Variants in NT5DC3 observed in about 807,000 individuals in gnomAD.
NT5DC3 encodes the protein 5'-nucleotidase domain-containing protein 3.
In NT5DC3, 42 loss-of-function variants were observed where a neutral mutation model predicts 67.8. The ratio of observed to expected loss-of-function variants is 0.62; its 90% confidence interval spans 0.48 to 0.80. The LOEUF (loss-of-function observed/expected upper bound fraction) is 0.80. Among genes scored for constraint, NT5DC3 ranks in the 30% least tolerant of loss-of-function variants. NT5DC3 has a pLI of 0.00. For synonymous variants in NT5DC3, 237 were observed against 255.6 expected (o/e 0.93, Z 0.69); for missense variants, 570 against 696.4 (o/e 0.82, Z 2.04).
At chr12:103,793,305 A>C in intron 8 of NT5DC3, 40 bp from the exon 9 acceptor site, 2 of 1,564,432 alleles carry the variant, frequency 1.3e-6, no homozygotes, top group Non-Finnish European at 1.8e-6. Context: ...AACATTAAAG[A>C]GATTAACTGT....
At chr12:103,779,890 C>G (rs1342138626) in intron 13 of NT5DC3, among the ~76,000 whole-genome samples, 6 of 152,132 alleles carry the variant, frequency 3.9e-5, no homozygotes, top group Non-Finnish European at 8.8e-5. Flanking sequence ...CAAATAAGCA[C>G]CAGGGTCGTA....
chr12:103,834,826 T>C (rs1888077044), intron 1 of NT5DC3, among the ~76,000 whole-genome samples: 1 of 152,206 alleles, frequency 6.6e-6, no homozygotes, highest in Admixed American at 6.5e-5. Flanking sequence ...CCTGAACAGA[T>C]TGTTTGGATG....
At chr12:103,748,051 G>A in the NT5DC3 span, among the ~76,000 whole-genome samples, 2 of 151,344 alleles carry the variant, frequency 1.3e-5, no homozygotes, top group African/African-American at 4.9e-5. Context: ...TAGGTATTGA[G>A]GAAAAATCAG....
chr12:103,785,751 TA>T (rs201632707), intron 11 of NT5DC3: 12,010 of 359,744 alleles, frequency 0.033, 194 homozygotes, highest in African/African-American at 0.08. Flanking sequence ...CCATGGTCTG[TA>T]AAAAAAAAAA....
chr12:103,760,740 T>C, the NT5DC3 span, among the ~76,000 whole-genome samples: 36 of 152,290 alleles, frequency 2.4e-4, no homozygotes, highest in African/African-American at 7.9e-4. Flanking sequence ...TTAATAAATA[T>C]TGGTTTTAAA....
intron 1 of NT5DC3, among the ~76,000 whole-genome samples, chr12:103,831,550 C>G (rs557514829): frequency 6.6e-6 from 1 of 152,206 alleles, no homozygotes; most frequent in South Asian, 2.1e-4. Flanking sequence ...GAAAAAATAT[C>G]TAGAGCAAAG....
the NT5DC3 span, among the ~76,000 whole-genome samples, chr12:103,748,774 G>C: frequency 6.6e-6 from 1 of 152,082 alleles, no homozygotes; most frequent in African/African-American, 2.4e-5. Context: ...CATCTATGAG[G>C]GTGTCACAAA....
intron 2 of NT5DC3, among the ~76,000 whole-genome samples, chr12:103,814,468 T>C (rs982157979): frequency 6.6e-6 from 1 of 152,344 alleles, no homozygotes; most frequent in South Asian, 2.1e-4. Context: ...TAGGGTTGCA[T>C]ATTTTCTTTT....
In NT5DC3 at chr12:103,798,691, A is replaced by C. The variant is rs1163709194; in HGVS notation, c.525-14T>G. On this transcript the variant is annotated splice_polypyrimidine_tract_variant and intron_variant, in intron 4 of 13. Coordinates refer to ENST00000392876, the MANE Select transcript of NT5DC3 (RefSeq NM_001031701.3). Reference sequence around the variant, plus strand: ...ACACTGAGGCCTCTGGAAAAACCAGATGGTGCAGTTAAAGAGCTCAACTAG... The same window carrying C: ...ACACTGAGGCCTCTGGAAAAACCAGCTGGTGCAGTTAAAGAGCTCAACTAG... 6.3e-7 allele frequency: 1 copy of C among 1,585,012 alleles called. No homozygotes were observed. The highest frequency in any genetic ancestry group is 1.1e-5 in the South Asian group (1 of 90,468).
rs1424957398 is a variant in NT5DC3, at chr12:103,785,368, C to A, written c.1296G>T (p.Leu432=). The part of the protein sequence containing the change: ...TEQYIQTMTW[L]QTLTGLLEQM... ...GTTCCAATAAGCCAGTCAAGGTCTG[C>A]AGCCAGGTCATGGTTTGAATGTATT... Residue 432 remains leucine, a synonymous_variant, in exon 12 of 14, where the codon CTG becomes CTT. Coordinates refer to ENST00000392876, the MANE Select transcript of NT5DC3 (RefSeq NM_001031701.3). The A allele has an allele frequency of 6.2e-7, 1 of 1,613,922 alleles. No individual in the cohort carries two copies. The highest frequency in any genetic ancestry group is 1.3e-5 in the African/African-American group (1 of 74,898).
chr12:103,754,345 T>C, the NT5DC3 span, among the ~76,000 whole-genome samples: 4 of 152,120 alleles, frequency 2.6e-5, no homozygotes, highest in African/African-American at 9.7e-5. Context: ...TTAAAAGATC[T>C]GGAATAGTAG....
chr12:103,783,593 G>C (rs758941738), intron 12 of NT5DC3, among the ~76,000 whole-genome samples: 1 of 151,440 alleles, frequency 6.6e-6, no homozygotes, highest in Non-Finnish European at 1.5e-5. Flanking sequence ...CACCTATCTC[G>C]CTGTCTCAGT....
the NT5DC3 span, chr12:103,750,838 C>T: frequency 7.3e-7 from 1 of 1,364,828 alleles, no homozygotes; most frequent in Non-Finnish European, 9.7e-7. Flanking sequence ...AGCCTGTAAT[C>T]CCAATACTTT....
At position 103,803,861 on chromosome 12, in the gene NT5DC3, C is replaced by A. The variant is rs989846728; in HGVS notation, c.524+2461G>T. On this transcript the variant is annotated intron_variant, in intron 4 of 13. Transcript: ENST00000392876. The stretch of plus-strand genomic sequence containing the variant: ...CTAAAATAGATTCATTCATTACCAC[C>A]CCCCCCCCAAAAAAATGTGTTGAGG... 2.5e-5 allele frequency among the ~76,000 whole-genome samples: 3 copies of A among 121,408 alleles called. No individual in the cohort carries two copies. The South Asian group carries it at 1.3e-3, about 52-fold the overall frequency. 79.6% of individuals were successfully genotyped at this position (121,408 alleles called of 152,430 possible). A position where few individuals can be genotyped will look rare whatever the true frequency, so the allele number is the denominator to read the frequency against.
intron 5 of NT5DC3, among the ~76,000 whole-genome samples, chr12:103,797,417 C>T (rs906787730): frequency 6.7e-6 from 1 of 150,148 alleles, no homozygotes; most frequent in South Asian, 2.1e-4. Context: ...TTGCAATGAG[C>T]GGAGATGGCG....
chr12:103,778,051 C>G lies in NT5DC3; in HGVS notation c.1425G>C (p.Gln475His), dbSNP rs771399204. 35 of 1,613,676 alleles carry G rather than the reference C, an allele frequency of 2.2e-5. No homozygotes were observed. Among genetic ancestry groups the G allele is most frequent in the Non-Finnish European group, 3.0e-5 (35 of 1,179,848 alleles). ...GGTCTGTGCGGAACAGGCTTCCAAA[C>G]TGGGCATTGAAGAAACTCTTGGTCA... is the stretch of plus-strand genomic sequence containing the variant. ...REMTKSFFNAQFGSLFRTDQN... is the reference protein window; with the variant it reads ...REMTKSFFNAHFGSLFRTDQN... Residue 475 changes from glutamine to histidine, a missense_variant, in exon 14 of 14, where the codon CAG (glutamine) becomes CAC (histidine). By Grantham distance (24) the Gln-to-His change is conservative (BLOSUM62 0). This residue lies in a region of NT5DC3 where 466 missense variants were observed against 608.0 expected (regional missense o/e 0.77). Transcript: ENST00000392876.
the NT5DC3 span, chr12:103,761,277 C>T: frequency 6.2e-7 from 1 of 1,608,764 alleles, no homozygotes; most frequent in Non-Finnish European, 8.5e-7. Context: ...TAAAAGCCAT[C>T]AACCCTCTTC....
chr12:103,759,676 T>C, the NT5DC3 span, among the ~76,000 whole-genome samples: 72 of 152,268 alleles, frequency 4.7e-4, no homozygotes, highest in Non-Finnish European at 8.4e-4. Context: ...AATTTCCCCA[T>C]CTGAAAAATC....
In NT5DC3 at chr12:103,774,684, C is replaced by CAAAAA. The variant is rs762200303; in HGVS notation, c.*3140_*3144dup. 14 of 51,318 alleles carry CAAAAA rather than the reference C, an allele frequency of 2.7e-4. No individual in the cohort carries two copies. Among genetic ancestry groups the CAAAAA allele is most frequent in the Non-Finnish European group, 5.6e-4 (14 of 25,120 alleles). The allele number at this position is 51,318 out of a possible 1,614,324, so 3.2% of individuals were successfully genotyped here. ...GGGCAAAAAGAGCAAAACTAAATCT[C>CAAAAA]AAAAAAAAAAAAAAAAAAAAAGAGA... On this transcript the variant is annotated 3_prime_UTR_variant, in exon 14 of 14. Transcript: ENST00000392876.
Sources: gnomAD v4.1 joint callset for allele counts (sites outside exome capture counted in the v4.1 genomes callset) on GRCh38, gnomAD v4.1.1 for gene constraint, gnomAD v4.1.1 regional missense constraint, MANE v1.5 for transcripts, NCBI Gene and HGNC (gene_info 2026-07-23, HGNC 2026-07-21) for gene names.